Variants in STK33 observed in about 807,000 individuals in gnomAD.
STK33 encodes serine/threonine kinase 33, also known as serine/threonine-protein kinase 33.
A neutral mutation model predicts 58.0 loss-of-function variants in STK33; 52 were observed. The observed-to-expected ratio is 0.90, with a 90% confidence interval of 0.72 to 1.13. The LOEUF (loss-of-function observed/expected upper bound fraction) is 1.13. STK33 is among the 50% of genes most tolerant of loss of function. The probability of loss-of-function intolerance (pLI) is 0.00; values close to 1 mark genes in which losing one functional copy is unlikely to be tolerated. For synonymous variants in STK33, 215 were observed against 200.1 expected (o/e 1.07, Z -0.63); for missense variants, 630 against 604.2 (o/e 1.04, Z -0.45).
At chr11:8,571,749 T>C (rs1326496823) in intron 1 of STK33, among the ~76,000 whole-genome samples, 2 of 150,592 alleles carry the variant, frequency 1.3e-5, no homozygotes, top group Non-Finnish European at 3.0e-5. Flanking sequence ...AGGAGAATGG[T>C]GTGAACCCGG....
intron 15 of STK33, among the ~76,000 whole-genome samples, chr11:8,400,978 G>C (rs960140259): frequency 4.0e-5 from 6 of 151,886 alleles, no homozygotes; most frequent in East Asian, 1.9e-4. Context: ...AGGATACAAA[G>C]AAATGGAAGA....
intron 1 of STK33, among the ~76,000 whole-genome samples, chr11:8,531,592 G>T (rs1007113367): frequency 1.3e-5 from 2 of 152,144 alleles, no homozygotes; most frequent in South Asian, 2.1e-4. Flanking sequence ...CCTATCAATG[G>T]GGATGCTCAC....
At position 8,428,319 on chromosome 11, in the gene STK33, C is replaced by T. The variant is rs558611229; in HGVS notation, c.1146+7175G>A. On this transcript the variant is annotated intron_variant, in intron 14 of 15. Transcript: ENST00000687296. Reference sequence around the variant, plus strand: ...GAAGGGATATGTAAGCACTGGTGTCCCAAAGCAAATGACAAGAGGAAAAAG... The same window carrying T: ...GAAGGGATATGTAAGCACTGGTGTCTCAAAGCAAATGACAAGAGGAAAAAG... 5.3e-5 allele frequency among the ~76,000 whole-genome samples: 8 copies of T among 152,236 alleles called. No homozygotes were observed. In the South Asian group the frequency reaches 1.7e-3, roughly 32 times the overall value.
rs182874763 is a variant in STK33 at position 8,515,882 on chromosome 11, A to G, written c.-465-35268T>C. ...CATATATGAAAAGCCCATAGTTAAC[A>G]TCACACTCAAAGGCGTAAAACTGAA... On this transcript the variant is annotated intron_variant, in intron 1 of 15. Coordinates refer to ENST00000687296, the MANE Select transcript of STK33 (RefSeq NM_001352389.2). Among the ~76,000 whole-genome samples the G allele has an allele frequency of 2.6e-4, 40 of 152,362 alleles. No individual in the cohort carries two copies. The East Asian group carries it at 3.7e-3, about 14-fold the overall frequency.
chr11:8,491,732 C>A (rs1043608146), intron 1 of STK33, among the ~76,000 whole-genome samples: 1 of 152,192 alleles, frequency 6.6e-6, no homozygotes, highest in African/African-American at 2.4e-5. Flanking sequence ...GCCCATCAGA[C>A]TAACAGCAGA....
At chr11:8,590,552 A>G (rs1199421859) in intron 1 of STK33, among the ~76,000 whole-genome samples, 2 of 152,196 alleles carry the variant, frequency 1.3e-5, no homozygotes, top group Non-Finnish European at 2.9e-5. Context: ...GTTAAGAAAG[A>G]TAATTAGTCC....
At chr11:8,535,886 C>A (rs930505033) in intron 1 of STK33, among the ~76,000 whole-genome samples, 3 of 152,052 alleles carry the variant, frequency 2.0e-5, no homozygotes, top group Non-Finnish European at 4.4e-5. Flanking sequence ...TATATATATA[C>A]TAGAATACTG....
the STK33 span, among the ~76,000 whole-genome samples, chr11:8,367,945 T>A: frequency 5.3e-5 from 8 of 151,848 alleles, no homozygotes; most frequent in African/African-American, 1.9e-4. Context: ...CTGTCCAGAG[T>A]GACTTGGGCC....
intron 7 of STK33, among the ~76,000 whole-genome samples, chr11:8,462,432 T>TAC (rs1287984254): frequency 1.0e-5 from 1 of 100,496 alleles, no homozygotes. Flanking sequence ...TATATACATA[T>TAC]ATACATATAT....
chr11:8,437,540 G>A (rs193076569), intron 12 of STK33, among the ~76,000 whole-genome samples: 2 of 152,298 alleles, frequency 1.3e-5, no homozygotes, highest in East Asian at 3.9e-4. Flanking sequence ...ATTGATGAAA[G>A]AATAAAATGG....
chr11:8,365,204 T>G, the STK33 span, among the ~76,000 whole-genome samples: 3 of 152,220 alleles, frequency 2.0e-5, no homozygotes, highest in African/African-American at 7.2e-5. Context: ...TGCCCTGCCT[T>G]GAGGTGCAGT....
At chr11:8,417,585 G>T (rs1447314978) in intron 14 of STK33, among the ~76,000 whole-genome samples, 2 of 152,128 alleles carry the variant, frequency 1.3e-5, no homozygotes, top group African/African-American at 4.8e-5. Context: ...AAACATTCTG[G>T]ATCTTTAGCA....
chr11:8,377,037 C>T, the STK33 span, among the ~76,000 whole-genome samples: 1 of 152,216 alleles, frequency 6.6e-6, no homozygotes, highest in Admixed American at 6.5e-5. Flanking sequence ...TCTCTCCTCC[C>T]CAGTGTCCTA....
At chr11:8,345,684 GT>G in the STK33 span, among the ~76,000 whole-genome samples, 3 of 152,226 alleles carry the variant, frequency 2.0e-5, no homozygotes, top group Non-Finnish European at 4.4e-5. Flanking sequence ...AGGCTGAGGA[GT>G]TTGAACTCCA....
At chr11:8,457,624 T>A (rs1947033406) in intron 8 of STK33, 145 bp from the exon 9 acceptor site, 1 of 699,324 alleles carries the variant, frequency 1.4e-6, no homozygotes, top group South Asian at 3.4e-5. Flanking sequence ...GATACCATAC[T>A]GGATACTAGA....
At chr11:8,385,729 T>C in the STK33 span, among the ~76,000 whole-genome samples, 3 of 152,008 alleles carry the variant, frequency 2.0e-5, no homozygotes, top group Non-Finnish European at 4.4e-5. Flanking sequence ...ACATGGTAGG[T>C]GGCCAACAAC....
At chr11:8,496,856 G>A (rs1192561147) in intron 1 of STK33, among the ~76,000 whole-genome samples, 1 of 152,048 alleles carries the variant, frequency 6.6e-6, no homozygotes, top group Non-Finnish European at 1.5e-5. Context: ...TTACAGGCAT[G>A]AGCCACTGCG....
At chr11:8,395,927 G>C (rs1040074557) in intron 15 of STK33, among the ~76,000 whole-genome samples, 1 of 152,102 alleles carries the variant, frequency 6.6e-6, no homozygotes, top group African/African-American at 2.4e-5. Flanking sequence ...ATACAAGAGT[G>C]CCTGTTTTCT....
chr11:8,561,299 TA>T (rs1430609207), intron 1 of STK33, among the ~76,000 whole-genome samples: 1 of 152,164 alleles, frequency 6.6e-6, no homozygotes. Context: ...GACCAGGTAT[TA>T]AATCTGTGGG....
Sources: allele counts gnomAD v4.1 joint callset (sites outside exome capture counted in the v4.1 genomes callset), GRCh38; gene constraint gnomAD v4.1.1; transcripts MANE v1.5; gene names NCBI Gene and HGNC (gene_info 2026-07-23, HGNC 2026-07-21).